The following ENTPD1 variants were observed in gnomAD, a reference collection of about 807,000 sequenced individuals.
ENTPD1 encodes ectonucleoside triphosphate diphosphohydrolase 1.
Under a neutral mutation model 57.0 loss-of-function variants are expected in ENTPD1, and 33 were observed. The ratio of observed to expected loss-of-function variants is 0.58; its 90% CI spans 0.44 to 0.77. The LOEUF (loss-of-function observed/expected upper bound fraction) is 0.77. Among genes scored for constraint, ENTPD1 ranks in the 30% least tolerant of loss-of-function variants. The pLI, the probability that ENTPD1 is intolerant of heterozygous loss-of-function variation, is 0.00. For missense variants in ENTPD1, 501 were observed against 603.4 expected (o/e 0.83, Z 1.78); for synonymous variants, 202 against 218.8 (o/e 0.92, Z 0.68).
At chr10:95,724,805 T>C (rs1012512956) in intron 1 of ENTPD1, among the ~76,000 whole-genome samples, 4 of 152,194 alleles carry the variant, frequency 2.6e-5, no homozygotes, top group East Asian at 1.9e-4. Flanking sequence ...GAGTGTGCAG[T>C]TGCAAGATTT....
At chr10:95,838,008 C>T (rs2098414579) in intron 2 of ENTPD1, among the ~76,000 whole-genome samples, 1 of 151,972 alleles carries the variant, frequency 6.6e-6, no homozygotes, top group South Asian at 2.1e-4. Flanking sequence ...CACCCACACA[C>T]ACAGCTAAAT....
upstream of ENTPD1, chr10:95,756,034 T>C: frequency 6.8e-7 from 1 of 1,470,494 alleles, no homozygotes. Context: ...GACTCCTCAG[T>C]CAATCTGTCC....
At chr10:95,777,089 TGGA>T (rs2098136971) in intron 1 of ENTPD1, among the ~76,000 whole-genome samples, 1 of 152,206 alleles carries the variant, frequency 6.6e-6, no homozygotes, top group Non-Finnish European at 1.5e-5. Context: ...TCCTTTAGCT[TGGA>T]GGAATTTGTC....
At chr10:95,697,790 A>T in the ENTPD1 span, among the ~76,000 whole-genome samples, 1 of 152,194 alleles carries the variant, frequency 6.6e-6, no homozygotes, top group Admixed American at 6.5e-5. Context: ...TTTTCTTTAT[A>T]ACTTATCCTG....
chr10:95,858,871 G>C (rs1407337187), intron 7 of ENTPD1, among the ~76,000 whole-genome samples: 5 of 152,208 alleles, frequency 3.3e-5, no homozygotes, highest in Admixed American at 6.5e-5. Context: ...GTGGCCATTA[G>C]AGTGGCCCCA....
At chr10:95,712,958 C>T (rs573098420) in intron 1 of ENTPD1, among the ~76,000 whole-genome samples, 1 of 151,590 alleles carries the variant, frequency 6.6e-6, no homozygotes, top group Admixed American at 6.6e-5. Flanking sequence ...GGCGTGAACC[C>T]GGGAGGCGGA....
upstream of ENTPD1, chr10:95,756,162 C>CACGGAG: frequency 6.4e-7 from 1 of 1,560,002 alleles, no homozygotes; most frequent in Non-Finnish European, 8.7e-7. Flanking sequence ...GGACCTCTCT[C>CACGGAG]ACGGAGACGG....
intron 1 of ENTPD1, among the ~76,000 whole-genome samples, chr10:95,723,182 C>T (rs1266421411): frequency 6.6e-6 from 1 of 152,124 alleles, no homozygotes; most frequent in African/African-American, 2.4e-5. Flanking sequence ...GAAGACCTTC[C>T]ATGATCAATT....
intron 4 of ENTPD1, 90 bp downstream of exon 4, chr10:95,842,584 T>C: frequency 6.9e-7 from 1 of 1,452,626 alleles, no homozygotes; most frequent in East Asian, 2.3e-5. Context: ...CCACACTCCC[T>C]AATACCCCAA....
the ENTPD1 span, among the ~76,000 whole-genome samples, chr10:95,702,504 G>C: frequency 6.6e-6 from 1 of 152,036 alleles, no homozygotes; most frequent in African/African-American, 2.4e-5. Context: ...GACAATGTGG[G>C]GAGAGTGGTA....
At chr10:95,812,773 T>G (rs919436536) in intron 1 of ENTPD1, among the ~76,000 whole-genome samples, 1 of 152,216 alleles carries the variant, frequency 6.6e-6, no homozygotes, top group Non-Finnish European at 1.5e-5. Context: ...TTTAAAAAAT[T>G]TTGGCCATTC....
At position 95,783,358 on chromosome 10, in the gene ENTPD1, T is replaced by A. The variant is rs550239253; in HGVS notation, c.16+27103T>A. Among the ~76,000 whole-genome samples the A allele has an allele frequency of 2.6e-4, 39 of 152,266 alleles. 1 individual carries two copies. In the South Asian group the frequency reaches 7.9e-3, roughly 31 times the overall value. ...AAGCAAATCTTTTTCATTAATTGGC[T>A]TCAAGTACTTTCAGCTTCAAATGGA... On this transcript the variant is annotated intron_variant, in intron 1 of 9. Transcript: ENST00000371205.
chr10:95,698,308 A>G, the ENTPD1 span, among the ~76,000 whole-genome samples: 3 of 152,254 alleles, frequency 2.0e-5, no homozygotes, highest in Non-Finnish European at 2.9e-5. Flanking sequence ...CTACATGATT[A>G]CATTTGACAA....
intron 1 of ENTPD1, among the ~76,000 whole-genome samples, chr10:95,806,962 G>A (rs1270572117): frequency 6.6e-6 from 1 of 152,188 alleles, no homozygotes; most frequent in Non-Finnish European, 1.5e-5. Context: ...GCTACATGGG[G>A]GTCAGGGACC....
intron 8 of ENTPD1, 148 bp from the exon 9 acceptor site, chr10:95,864,576 C>A: frequency 1.0e-6 from 1 of 1,002,502 alleles, no homozygotes; most frequent in Non-Finnish European, 1.5e-6. Context: ...AGTGCAGCAC[C>A]ACCCCCAAAA....
chr10:95,832,468 G>T (rs890875234), intron 2 of ENTPD1, among the ~76,000 whole-genome samples: 1 of 152,198 alleles, frequency 6.6e-6, no homozygotes, highest in African/African-American at 2.4e-5. Flanking sequence ...CTTTGTTCTG[G>T]TGGACCTAGG....
chr10:95,702,274 A>T, the ENTPD1 span, among the ~76,000 whole-genome samples: 1 of 152,134 alleles, frequency 6.6e-6, no homozygotes, highest in Non-Finnish European at 1.5e-5. Flanking sequence ...AGCTGACAAG[A>T]TGGAGAATTT....
In ENTPD1 at chr10:95,868,411, T is replaced by A. The variant is rs1590224287; in HGVS notation, c.*2028T>A. Reference sequence around the variant, plus strand: ...TTCATGTGCTTTGGATGGAAGCACATCTGGCATATGATGCTAATCAGTGGT... The same window carrying A: ...TTCATGTGCTTTGGATGGAAGCACAACTGGCATATGATGCTAATCAGTGGT... On this transcript the variant is annotated 3_prime_UTR_variant, in exon 10 of 10. Coordinates refer to ENST00000371205, the MANE Select transcript of ENTPD1 (RefSeq NM_001776.6). 12 of 985,452 alleles carry A rather than the reference T, an allele frequency of 1.2e-5. No homozygotes were observed. The highest frequency in any genetic ancestry group is 1.4e-5 in the Non-Finnish European group (12 of 829,934). 61.0% of individuals were successfully genotyped at this position (985,452 alleles called of 1,614,324 possible).
At chr10:95,699,033 G>A in the ENTPD1 span, among the ~76,000 whole-genome samples, 1 of 152,130 alleles carries the variant, frequency 6.6e-6, no homozygotes, top group Non-Finnish European at 1.5e-5. Flanking sequence ...ACCCAAGGCC[G>A]AGTACAGTGG....
Sources: gnomAD v4.1 joint callset for allele counts (sites outside exome capture counted in the v4.1 genomes callset) on GRCh38, gnomAD v4.1.1 for gene constraint, MANE v1.5 for transcripts, NCBI Gene and HGNC (gene_info 2026-07-23, HGNC 2026-07-21) for gene names.